The following GRIA1 variants were observed in gnomAD, a reference collection of about 807,000 sequenced individuals.
GRIA1 encodes the protein glutamate receptor 1.
GRIA1 carries 31 observed loss-of-function variants against 99.2 expected under a neutral mutation model. The observed-to-expected ratio is 0.31, with a 90% CI of 0.23 to 0.42. The LOEUF is 0.42. GRIA1 is among the 10% of genes least tolerant of loss of function. The pLI is 1.00. For missense variants in GRIA1, 782 were observed against 1,157.5 expected, an observed-to-expected ratio of 0.68 and a Z score of 4.71; for synonymous variants, 438 against 432.4, an observed-to-expected ratio of 1.01 and a Z score of -0.16.
intron 11 of GRIA1, among the ~76,000 whole-genome samples, chr5:153,737,303 AAAAAAAAAAAAAG>A (rs1761449310): frequency 6.6e-6 from 1 of 151,556 alleles, no homozygotes; most frequent in African/African-American, 2.4e-5. Flanking sequence ...AAAAAAAAAA[AAAAAAAAAAAAAG>A]GGATACTCCA....
intron 5 of GRIA1, among the ~76,000 whole-genome samples, chr5:153,667,736 C>A (rs1380004055): frequency 6.6e-6 from 1 of 152,154 alleles, no homozygotes; most frequent in African/African-American, 2.4e-5. Context: ...TTTCCAATTG[C>A]ACGTGATAAT....
intron 10 of GRIA1, among the ~76,000 whole-genome samples, chr5:153,703,953 AGT>A (rs1308739242): frequency 6.6e-6 from 1 of 152,256 alleles, no homozygotes; most frequent in Non-Finnish European, 1.5e-5. Context: ...CAAACAAAAA[AGT>A]AAATACCTTC....
chr5:153,597,855 A>G (rs994171960), intron 2 of GRIA1, among the ~76,000 whole-genome samples: 3 of 151,902 alleles, frequency 2.0e-5, no homozygotes, highest in African/African-American at 7.2e-5. Flanking sequence ...AAAAAAAAAA[A>G]AAATTAATTA....
At chr5:153,677,257 G>GGGCCGGGCGCGGTGGCTC in intron 7 of GRIA1, 96 bp downstream of exon 7, 2 of 1,042,904 alleles carry the variant, frequency 1.9e-6, no homozygotes, top group Non-Finnish European at 2.5e-6. Flanking sequence ...AGAAAAGGAA[G>GGGCCGGGCGCGGTGGCTC]AAAATGCCTG....
At chr5:153,776,872 A>G (rs562632512) in intron 13 of GRIA1, among the ~76,000 whole-genome samples, 1 of 152,212 alleles carries the variant, frequency 6.6e-6, no homozygotes, top group Non-Finnish European at 1.5e-5. Flanking sequence ...ACATGCTTGT[A>G]TCTTCCATGA....
At chr5:153,564,890 C>T (rs1761480026) in intron 2 of GRIA1, among the ~76,000 whole-genome samples, 2 of 152,196 alleles carry the variant, frequency 1.3e-5, no homozygotes, top group South Asian at 2.1e-4. Context: ...AAAGTAGTAG[C>T]TTAGTGATAA....
At chr5:153,683,068 C>A (rs1005391569) in intron 7 of GRIA1, among the ~76,000 whole-genome samples, 3 of 152,186 alleles carry the variant, frequency 2.0e-5, no homozygotes, top group Non-Finnish European at 4.4e-5. Flanking sequence ...AGTGCCTGGG[C>A]TCCATCAATC....
intron 11 of GRIA1, among the ~76,000 whole-genome samples, chr5:153,710,565 T>A (rs1268771850): frequency 2.0e-5 from 3 of 152,184 alleles, no homozygotes; most frequent in Admixed American, 2.0e-4. Flanking sequence ...TTGAGGAGTA[T>A]GTTAAAGAAG....
chr5:153,725,208 G>C (rs1760419830), intron 11 of GRIA1, among the ~76,000 whole-genome samples: 1 of 151,618 alleles, frequency 6.6e-6, no homozygotes. Flanking sequence ...GAGAGATTTT[G>C]TCACCACCAG....
intron 15 of GRIA1, among the ~76,000 whole-genome samples, chr5:153,809,912 G>T (rs1373249193): frequency 6.6e-6 from 1 of 152,142 alleles, no homozygotes; most frequent in Non-Finnish European, 1.5e-5. Context: ...AGGTAGGGTT[G>T]GTCCCATTGA....
intron 4 of GRIA1, among the ~76,000 whole-genome samples, chr5:153,653,435 A>G (rs1259168325): frequency 1.3e-5 from 2 of 152,184 alleles, no homozygotes; most frequent in Non-Finnish European, 2.9e-5. Flanking sequence ...AACCATTAGA[A>G]AGAGTTTAGG....
At chr5:153,717,535 G>GC (rs34011202) in intron 11 of GRIA1, among the ~76,000 whole-genome samples, 152,169 of 152,170 alleles carry the variant, frequency 1, 76,084 homozygotes, top group Non-Finnish European at 1. Flanking sequence ...GTATTCATTG[G>GC]CAAGGGCTCA....
Position 153,650,298 on chromosome 5 carries a change from T to C in GRIA1, c.461-32T>C, listed in dbSNP as rs1381361833. 6 of 1,491,788 alleles carry C rather than the reference T, an allele frequency of 4.0e-6. No homozygotes were observed. In the African/African-American group the frequency reaches 8.7e-5, roughly 22 times the overall value. 92.4% of individuals were successfully genotyped at this position (1,491,788 alleles called of 1,614,324 possible). A position where few individuals can be genotyped will look rare whatever the true frequency, so the allele number is the denominator to read the frequency against. ...GTGGTGCCCACAAATCCTGACTGTC[T>C]GTCATTTCTCTTCTACTCATCTGAA... On this transcript the variant is annotated intron_variant, in intron 3 of 15. Transcript: ENST00000285900.
intron 7 of GRIA1, among the ~76,000 whole-genome samples, chr5:153,683,093 C>G (rs1021396942): frequency 6.6e-6 from 1 of 152,160 alleles, no homozygotes; most frequent in South Asian, 2.1e-4. Context: ...CTCAGACACC[C>G]TGGGATGGGG....
At chr5:153,713,085 T>A (rs1259638093) in intron 11 of GRIA1, among the ~76,000 whole-genome samples, 1 of 151,846 alleles carries the variant, frequency 6.6e-6, no homozygotes, top group Admixed American at 6.6e-5. Flanking sequence ...CAACATTGAG[T>A]TTGATATTGA....
At chr5:153,803,287 C>T (rs1025508357) in intron 15 of GRIA1, among the ~76,000 whole-genome samples, 7 of 152,124 alleles carry the variant, frequency 4.6e-5, no homozygotes, top group Non-Finnish European at 1.0e-4. Flanking sequence ...TAACTCTTGA[C>T]AAGAATATGG....
At chr5:153,548,441 C>G (rs1202947299) in intron 2 of GRIA1, among the ~76,000 whole-genome samples, 2 of 152,266 alleles carry the variant, frequency 1.3e-5, no homozygotes, top group Admixed American at 1.3e-4. Flanking sequence ...CACAAGTAAA[C>G]TGAGACCCAG....
At chr5:153,546,647 G>C (rs990761824) in intron 2 of GRIA1, among the ~76,000 whole-genome samples, 3 of 152,106 alleles carry the variant, frequency 2.0e-5, no homozygotes, top group Admixed American at 2.0e-4. Flanking sequence ...TTGATAATTG[G>C]CCCAAGGAAA....
At chr5:153,664,732 G>A (rs1391036473) in intron 5 of GRIA1, among the ~76,000 whole-genome samples, 1 of 152,152 alleles carries the variant, frequency 6.6e-6, no homozygotes, top group Admixed American at 6.5e-5. Context: ...ATGAGTGAAT[G>A]AGTAAATGGA....
Sources: gnomAD v4.1 joint callset for allele counts (sites outside exome capture counted in the v4.1 genomes callset) on GRCh38, gnomAD v4.1.1 for gene constraint, MANE v1.5 for transcripts, NCBI Gene and HGNC (gene_info 2026-07-23, HGNC 2026-07-21) for gene names.